The following E2F3 variants were observed in gnomAD, a reference collection of about 807,000 sequenced individuals.
E2F3 encodes E2F transcription factor 3, also known as transcription factor E2F3.
E2F3 carries 11 observed loss-of-function variants against 44.4 expected under a neutral mutation model. The ratio of observed to expected loss-of-function variants is 0.25; its 90% CI spans 0.16 to 0.41. The LOEUF (loss-of-function observed/expected upper bound fraction) is 0.41, where lower values mean the gene tolerates loss of function less well. Among genes scored for constraint, E2F3 ranks in the 10% least tolerant of loss-of-function variants. The pLI is 1.00. For missense variants in E2F3, 487 were observed against 583.6 expected (o/e 0.83, Z 1.70); for synonymous variants, 249 against 253.0 (o/e 0.98, Z 0.15).
chr6:20,482,075 A>G lies in E2F3; in HGVS notation c.725+650A>G, dbSNP rs1762241182. Among the ~76,000 whole-genome samples the G allele has an allele frequency of 2.0e-5, 3 of 152,226 alleles. No individual in the cohort carries two copies. In the South Asian group the frequency reaches 6.2e-4, roughly 31 times the overall value. On this transcript the variant is annotated intron_variant, in intron 3 of 6. Transcript: ENST00000346618. ...GAATTATTAAAGCATTTTGGAAGGA[A>G]TAATTCTGTTACAGGAGGGCTTTGA...
chr6:20,422,743 T>C (rs1428647964), intron 1 of E2F3, among the ~76,000 whole-genome samples: 2 of 152,156 alleles, frequency 1.3e-5, no homozygotes, highest in African/African-American at 4.8e-5. Context: ...AGGTGGAGCA[T>C]TCAGAACACG....
intron 1 of E2F3, among the ~76,000 whole-genome samples, chr6:20,436,152 T>G (rs979073072): frequency 9.9e-5 from 15 of 152,100 alleles, no homozygotes; most frequent in African/African-American, 3.1e-4. Flanking sequence ...AGCTAATTTT[T>G]GTATTTTCAG....
At chr6:20,479,731 GA>G (rs1762159875) in intron 1 of E2F3, 114 bp from the exon 2 acceptor site, 2 of 785,666 alleles carry the variant, frequency 2.5e-6, no homozygotes, top group East Asian at 5.4e-5. Context: ...GGGTGGAGCA[GA>G]GGGGTGAGAG....
intron 1 of E2F3, among the ~76,000 whole-genome samples, chr6:20,471,710 A>AG (rs1408496194): frequency 6.6e-6 from 1 of 152,248 alleles, no homozygotes; most frequent in East Asian, 1.9e-4. Context: ...AAGAAGTAGA[A>AG]GTGCCAGTTA....
Position 20,482,599 on chromosome 6 carries a change from A to AAAAAT in E2F3, c.726-162_726-161insAAATA, listed in dbSNP as rs1177675969. ...GCAGAACTGTATTTATGAAAAAAAA[A>AAAAAT]ATATATATATATATATATATATGTG... On this transcript the variant is annotated intron_variant, in intron 3 of 6. Transcript: ENST00000346618. Among the ~76,000 whole-genome samples the AAAAAT allele has an allele frequency of 5.9e-5, 8 of 134,498 alleles. No homozygotes were observed. The East Asian group carries it at 1.0e-3, about 18-fold the overall frequency. 88.2% of individuals were successfully genotyped at this position (134,498 alleles called of 152,430 possible).
At chr6:20,443,074 C>G (rs145937870) in intron 1 of E2F3, among the ~76,000 whole-genome samples, 4 of 152,262 alleles carry the variant, frequency 2.6e-5, no homozygotes, top group African/African-American at 4.8e-5. Flanking sequence ...GATGAGGAAA[C>G]AAACCTGTCT....
chr6:20,404,926 T>A (rs1759443044), intron 1 of E2F3, among the ~76,000 whole-genome samples: 1 of 152,230 alleles, frequency 6.6e-6, no homozygotes, highest in Admixed American at 6.5e-5. Context: ...CTGTTACTAT[T>A]TCATAAACCT....
chr6:20,486,135 A>G (rs1049389391), intron 4 of E2F3, among the ~76,000 whole-genome samples: 2 of 152,154 alleles, frequency 1.3e-5, no homozygotes, highest in African/African-American at 4.8e-5. Flanking sequence ...TTCTGTTTCT[A>G]TGTTTAATAT....
intron 1 of E2F3, among the ~76,000 whole-genome samples, chr6:20,466,273 C>T (rs1160988254): frequency 2.6e-5 from 4 of 152,168 alleles, no homozygotes; most frequent in Admixed American, 6.5e-5. Context: ...CCACCACGCC[C>T]GGCTACTTTT....
chr6:20,476,295 C>T (rs1421919545), intron 1 of E2F3, among the ~76,000 whole-genome samples: 3 of 151,980 alleles, frequency 2.0e-5, no homozygotes, highest in South Asian at 2.1e-4. Context: ...GGCATGAACC[C>T]GGGAGGCGGA....
intron 1 of E2F3, among the ~76,000 whole-genome samples, chr6:20,418,844 T>TA: frequency 6.6e-6 from 1 of 152,078 alleles, no homozygotes; most frequent in East Asian, 1.9e-4. Context: ...TGTTACCTTT[T>TA]TTTTTTTGTA....
intron 4 of E2F3, among the ~76,000 whole-genome samples, chr6:20,484,042 G>A (rs1748061534): frequency 6.6e-6 from 1 of 152,222 alleles, no homozygotes; most frequent in Non-Finnish European, 1.5e-5. Flanking sequence ...TGGGTTTACA[G>A]GGGAAGAAAC....
chr6:20,481,223 G>GA lies in E2F3; in HGVS notation c.529dup (p.Thr177AsnfsTer4). 1 of 1,613,768 alleles carries GA rather than the reference G, an allele frequency of 6.2e-7. No individual in the cohort carries two copies. The highest frequency in any genetic ancestry group is 8.5e-7 in the Non-Finnish European group (1 of 1,179,842). On this transcript the variant is annotated frameshift_variant, in exon 3 of 7. Transcript: ENST00000346618. LOFTEE classifies it high-confidence loss of function. ...TCTTTAAGCTCCAAAATCTCCCTCA[G>GA]AAAAAACGCGGTATGATACGTCTCT... is the stretch of plus-strand genomic sequence containing the variant.
At chr6:20,427,521 C>T (rs1760255261) in intron 1 of E2F3, among the ~76,000 whole-genome samples, 1 of 152,124 alleles carries the variant, frequency 6.6e-6, no homozygotes, top group Non-Finnish European at 1.5e-5. Flanking sequence ...TCCAGTTTCT[C>T]ATTTGTCAAA....
chr6:20,403,396 C>T (rs1759376798), intron 1 of E2F3, among the ~76,000 whole-genome samples: 3 of 152,176 alleles, frequency 2.0e-5, no homozygotes, highest in Admixed American at 2.0e-4. Flanking sequence ...TGCCCTTGAC[C>T]CGCCTCTCCC....
intron 1 of E2F3, among the ~76,000 whole-genome samples, chr6:20,431,113 G>C (rs1472941148): frequency 6.6e-6 from 1 of 152,174 alleles, no homozygotes; most frequent in Non-Finnish European, 1.5e-5. Flanking sequence ...GAATTCACAA[G>C]AGTGTGCTGA....
chr6:20,429,918 C>G (rs896601072), intron 1 of E2F3, among the ~76,000 whole-genome samples: 11 of 151,734 alleles, frequency 7.2e-5, no homozygotes, highest in Admixed American at 6.6e-4. Flanking sequence ...AATAAAATGC[C>G]CTATTTTTTT....
intron 4 of E2F3, among the ~76,000 whole-genome samples, 154 bp from the exon 5 acceptor site, chr6:20,486,535 G>A (rs930155428): frequency 1.3e-5 from 2 of 152,194 alleles, no homozygotes; most frequent in African/African-American, 2.4e-5. Flanking sequence ...GCCTCCCAAA[G>A]TGCTGGGATT....
intron 1 of E2F3, among the ~76,000 whole-genome samples, chr6:20,428,056 T>A (rs1760272840): frequency 6.6e-6 from 1 of 152,184 alleles, no homozygotes; most frequent in Non-Finnish European, 1.5e-5. Context: ...ATTTCTAAGT[T>A]AGAGGCGAGG....
Sources: gnomAD v4.1 joint callset for allele counts (sites outside exome capture counted in the v4.1 genomes callset) on GRCh38, gnomAD v4.1.1 for gene constraint, MANE v1.5 for transcripts, NCBI Gene and HGNC (gene_info 2026-07-23, HGNC 2026-07-21) for gene names.